The following NOVA1 variants were observed in gnomAD, a reference collection of about 807,000 sequenced individuals.
The protein encoded by NOVA1 is RNA-binding protein Nova-1.
In NOVA1, 7 loss-of-function variants were observed where a neutral mutation model predicts 38.0. The ratio of observed to expected loss-of-function variants is 0.18; its 90% confidence interval spans 0.10 to 0.35. The LOEUF is 0.35. Among genes scored for constraint, NOVA1 ranks in the 10% least tolerant of loss-of-function variants. NOVA1 has a pLI of 1.00. For synonymous variants in NOVA1, 270 were observed against 232.5 expected (o/e 1.16, Z -1.47); for missense variants, 460 against 616.0 (o/e 0.75, Z 2.68).
At position 26,553,327 on chromosome 14, in the gene NOVA1, C is replaced by G. The variant is rs1253001721; in HGVS notation, c.280+42083G>C. 2.0e-5 allele frequency among the ~76,000 whole-genome samples: 3 copies of G among 152,166 alleles called. No homozygotes were observed. In the East Asian group the frequency reaches 5.8e-4, roughly 29 times the overall value. ...ACATCTTTACCTTCCTTAGTTCTTCCTTATCCAGAAGTGCCTTCTCCTGTC... is the reference window on the plus strand; with the variant it reads ...ACATCTTTACCTTCCTTAGTTCTTCGTTATCCAGAAGTGCCTTCTCCTGTC... On this transcript the variant is annotated intron_variant, in intron 2 of 4. Transcript: ENST00000539517.
chr14:26,597,511 T>A lies in NOVA1; in HGVS notation c.-75A>T. 9.6e-7 allele frequency: 1 copy of A among 1,042,330 alleles called. No individual in the cohort carries two copies. Among genetic ancestry groups the A allele is most frequent in the African/African-American group, 1.8e-5 (1 of 55,866 alleles). The allele number at this position is 1,042,330 out of a possible 1,614,324, so 64.6% of individuals were successfully genotyped here. On this transcript the variant is annotated 5_prime_UTR_variant, in exon 1 of 5. Coordinates refer to ENST00000539517, the MANE Select transcript of NOVA1 (RefSeq NM_002515.3). ...TGGCTTTTTCTTTTCTTTTTTCTTT[T>A]TTTTTTTTTTTTTTTTTTGCGTTTG...
At chr14:26,525,015 A>T (rs1448490581) in intron 2 of NOVA1, among the ~76,000 whole-genome samples, 1 of 152,230 alleles carries the variant, frequency 6.6e-6, no homozygotes, top group Non-Finnish European at 1.5e-5. Context: ...AAAAACAAAA[A>T]TAATTTCACA....
At chr14:26,531,683 A>G (rs1471685968) in intron 2 of NOVA1, among the ~76,000 whole-genome samples, 1 of 152,244 alleles carries the variant, frequency 6.6e-6, no homozygotes, top group African/African-American at 2.4e-5. Context: ...TGCAAAAAGT[A>G]AGACAGGTTT....
chr14:26,546,208 G>A (rs1220733329), intron 2 of NOVA1, among the ~76,000 whole-genome samples: 1 of 151,838 alleles, frequency 6.6e-6, no homozygotes, highest in African/African-American at 2.4e-5. Context: ...AATAAGAAAT[G>A]GTGTATAAAA....
At chr14:26,489,607 G>T (rs1886175038) in intron 2 of NOVA1, among the ~76,000 whole-genome samples, 1 of 151,930 alleles carries the variant, frequency 6.6e-6, no homozygotes, top group Non-Finnish European at 1.5e-5. Context: ...CATATACCAA[G>T]GCGAGTGGAT....
chr14:26,447,792 T>C lies in NOVA1; in HGVS notation c.*167A>G, dbSNP rs1882199496. The C allele has an allele frequency of 4.8e-6, 3 of 621,588 alleles. No homozygotes were observed. The South Asian group carries it at 6.6e-5, about 14-fold the overall frequency. The allele number at this position is 621,588 out of a possible 1,614,324, so 38.5% of individuals were successfully genotyped here. ...GAAAAAATTCTTTCTATGAAACATC[T>C]GGTAAAACACATATTATTTACATAT... On this transcript the variant is annotated 3_prime_UTR_variant, in exon 5 of 5. Transcript: ENST00000539517.
At chr14:26,454,944 T>C (rs973223038) in intron 4 of NOVA1, among the ~76,000 whole-genome samples, 1 of 152,148 alleles carries the variant, frequency 6.6e-6, no homozygotes, top group Non-Finnish European at 1.5e-5. Context: ...CATTGAATTG[T>C]TGAACAAAGC....
intron 2 of NOVA1, among the ~76,000 whole-genome samples, chr14:26,501,772 A>T (rs1161848175): frequency 6.6e-6 from 1 of 151,952 alleles, no homozygotes; most frequent in East Asian, 1.9e-4. Context: ...TTTTGAGGAG[A>T]AAAAAATTTA....
chr14:26,454,154 T>TA (rs1432554937), intron 4 of NOVA1, among the ~76,000 whole-genome samples: 3 of 151,890 alleles, frequency 2.0e-5, no homozygotes, highest in African/African-American at 4.8e-5. Context: ...TGAAGAACTT[T>TA]AAAAAATGCA....
intron 2 of NOVA1, among the ~76,000 whole-genome samples, chr14:26,504,002 C>A (rs1032555987): frequency 2.0e-5 from 3 of 152,060 alleles, no homozygotes; most frequent in Non-Finnish European, 4.4e-5. Context: ...AATCATAAAT[C>A]TCTCTTTATA....
intron 4 of NOVA1, among the ~76,000 whole-genome samples, chr14:26,467,496 G>C (rs1290449587): frequency 6.6e-6 from 1 of 152,140 alleles, no homozygotes; most frequent in Non-Finnish European, 1.5e-5. Context: ...CAAAGGAGTA[G>C]AAGAAATAGG....
chr14:26,552,572 T>C (rs1056780904), intron 2 of NOVA1, among the ~76,000 whole-genome samples: 10 of 152,104 alleles, frequency 6.6e-5, no homozygotes, highest in Non-Finnish European at 1.2e-4. Context: ...CATTAATTCA[T>C]TTATTCACTC....
intron 2 of NOVA1, among the ~76,000 whole-genome samples, chr14:26,561,001 T>G (rs1951074): frequency 2.0e-5 from 3 of 152,124 alleles, no homozygotes; most frequent in Admixed American, 6.5e-5. Flanking sequence ...GGGATGGTTT[T>G]GGGATGAAAC....
intron 2 of NOVA1, among the ~76,000 whole-genome samples, chr14:26,522,252 A>G (rs1290511594): frequency 6.6e-6 from 1 of 152,140 alleles, no homozygotes. Flanking sequence ...GCTCAACTGC[A>G]CAGATAAATG....
intron 2 of NOVA1, among the ~76,000 whole-genome samples, chr14:26,509,093 C>T (rs1887859710): frequency 6.6e-6 from 1 of 152,028 alleles, no homozygotes; most frequent in African/African-American, 2.4e-5. Context: ...AGTAAGACAT[C>T]TCAAGAAACA....
intron 4 of NOVA1, among the ~76,000 whole-genome samples, chr14:26,451,693 T>C (rs1054381324): frequency 6.6e-6 from 1 of 152,170 alleles, no homozygotes; most frequent in African/African-American, 2.4e-5. Flanking sequence ...TAATATATAA[T>C]TTAAAATAGT....
At chr14:26,507,755 T>C (rs1299466204) in intron 2 of NOVA1, among the ~76,000 whole-genome samples, 3 of 152,104 alleles carry the variant, frequency 2.0e-5, no homozygotes, top group Admixed American at 6.6e-5. Flanking sequence ...TGTTAACCTT[T>C]ACACCAGAAA....
At chr14:26,573,090 T>A (rs554291433) in intron 2 of NOVA1, among the ~76,000 whole-genome samples, 19 of 152,048 alleles carry the variant, frequency 1.2e-4, no homozygotes, top group African/African-American at 4.6e-4. Flanking sequence ...CGTGATGATT[T>A]CAAGAAACAA....
At chr14:26,490,938 C>A (rs1886290436) in intron 2 of NOVA1, among the ~76,000 whole-genome samples, 1 of 149,696 alleles carries the variant, frequency 6.7e-6, no homozygotes, top group South Asian at 2.1e-4. Context: ...CAAGCTCCAC[C>A]TCCTGGGTTC....
Sources: gnomAD v4.1 joint callset for allele counts (sites outside exome capture counted in the v4.1 genomes callset) on GRCh38, gnomAD v4.1.1 for gene constraint, MANE v1.5 for transcripts, NCBI Gene and HGNC (gene_info 2026-07-23, HGNC 2026-07-21) for gene names.